ANK2: variants seen among roughly 807,000 people sequenced by gnomAD.
ANK2 encodes ankyrin-2.
Under a neutral mutation model 360.5 loss-of-function variants are expected in ANK2, and 83 were observed. The ratio of observed to expected loss-of-function variants is 0.23; its 90% CI spans 0.19 to 0.28. The LOEUF (loss-of-function observed/expected upper bound fraction) is 0.28. Among genes scored for constraint, ANK2 ranks in the 10% least tolerant of loss-of-function variants. ANK2 has a pLI of 1.00. For synonymous variants in ANK2, 1,740 were observed against 1,759.5 expected (o/e 0.99, Z 0.28); for missense variants, 4,201 against 4,795.7 (o/e 0.88, Z 3.66).
chr4:112,833,508 A>ATTTTTTTTTTT (rs34479387), intron 1 of ANK2, among the ~76,000 whole-genome samples: 1 of 146,874 alleles, frequency 6.8e-6, no homozygotes, highest in Non-Finnish European at 1.5e-5. Context: ...TGATTTATGT[A>ATTTTTTTTTTT]TTTTTTTTTT....
At chr4:113,253,687 T>G (rs1074951) in intron 10 of ANK2, among the ~76,000 whole-genome samples, 8,351 of 152,196 alleles carry the variant, frequency 0.055, 283 homozygotes, top group African/African-American at 0.085. Flanking sequence ...GTGTCACTAA[T>G]TCAGCAGCTT....
At chr4:113,112,514 C>T (rs1412722123) in intron 1 of ANK2, among the ~76,000 whole-genome samples, 6 of 152,136 alleles carry the variant, frequency 3.9e-5, no homozygotes, top group Non-Finnish European at 8.8e-5. Flanking sequence ...TTCCCTCTGC[C>T]CACTGCAGTG....
chr4:112,811,464 G>A, the ANK2 span, among the ~76,000 whole-genome samples: 1 of 152,094 alleles, frequency 6.6e-6, no homozygotes, highest in Non-Finnish European at 1.5e-5. Flanking sequence ...ACAATACTTA[G>A]TTGTGTTACT....
Position 113,127,053 on chromosome 4 carries a change from A to ATCAAGAAATTCAGAGAATGATGCTTCTTG in ANK2, c.85-47335_85-47334insGTCAAGAAATTCAGAGAATGATGCTTCTT, listed in dbSNP as rs567449215. On this transcript the variant is annotated intron_variant, in intron 1 of 45. Coordinates refer to ENST00000357077, the MANE Select transcript of ANK2 (RefSeq NM_001148.6). ...AAAAGTTTGTAAAACTTTATTTTTG[A>ATCAAGAAATTCAGAGAATGATGCTTCTTG]TCAAGAAATTCAGAGAATGATGCTT... 2.4e-3 allele frequency among the ~76,000 whole-genome samples: 359 copies of ATCAAGAAATTCAGAGAATGATGCTTCTTG among 152,254 alleles called. 1 individual carries two copies. The highest frequency in any genetic ancestry group is 8.4e-3 in the African/African-American group (347 of 41,556).
rs138641014 is a variant in ANK2, at chr4:113,311,298, T to C, written c.2592T>C (p.Pro864=). 2.7e-4 allele frequency: 428 copies of C among 1,614,130 alleles called. 3 individuals are homozygous for C. The highest frequency in any genetic ancestry group is 1.8e-3 in the South Asian group (166 of 91,082). ...MTGDGGEYLR[P]EDLKELGDDS... ...GTGATGGGGGAGAATACCTTAGGCC[T>C]GAGGACCTAAAAGAACTGGGTGATG... is the stretch of plus-strand genomic sequence containing the variant. The change falls in exon 24 of 46, where the codon CCT becomes CCC. Residue 864 remains proline, a synonymous_variant. Transcript: ENST00000357077.
intron 1 of ANK2, among the ~76,000 whole-genome samples, chr4:112,850,502 GTCTT>G (rs2064636827): frequency 6.1e-5 from 1 of 16,432 alleles, no homozygotes; most frequent in African/African-American, 2.8e-4. Flanking sequence ...TCCTGTGCTA[GTCTT>G]TTTTTTTTTT....
chr4:113,245,707 G>A (rs1394213715), intron 9 of ANK2, among the ~76,000 whole-genome samples: 1 of 152,188 alleles, frequency 6.6e-6, no homozygotes, highest in African/African-American at 2.4e-5. Flanking sequence ...ATGAGATTTA[G>A]GTGGTGACGC....
intron 4 of ANK2, among the ~76,000 whole-genome samples, chr4:113,206,806 T>A (rs2098955556): frequency 6.6e-6 from 1 of 152,162 alleles, no homozygotes; most frequent in Non-Finnish European, 1.5e-5. Context: ...GGTGGATCAC[T>A]TAAGGTCAGG....
intron 1 of ANK2, among the ~76,000 whole-genome samples, chr4:112,890,148 T>C (rs951477072): frequency 7.9e-5 from 12 of 152,214 alleles, no homozygotes; most frequent in African/African-American, 2.9e-4. Flanking sequence ...CACCTCTTTT[T>C]CTTCCTTTAA....
chr4:113,204,065 C>T (rs1379120275), intron 4 of ANK2, among the ~76,000 whole-genome samples: 2 of 151,958 alleles, frequency 1.3e-5, no homozygotes, highest in Non-Finnish European at 2.9e-5. Flanking sequence ...GAATTTCCCC[C>T]TTATTATTTT....
chr4:113,132,706 T>C (rs917198825), intron 1 of ANK2, among the ~76,000 whole-genome samples: 1 of 152,068 alleles, frequency 6.6e-6, no homozygotes, highest in African/African-American at 2.4e-5. Context: ...CCAGGCATGA[T>C]ATCACATAGT....
intron 2 of ANK2, among the ~76,000 whole-genome samples, chr4:112,958,578 A>G (rs2032610658): frequency 6.6e-6 from 1 of 151,898 alleles, no homozygotes; most frequent in Admixed American, 6.6e-5. Flanking sequence ...TCAGAGGGAG[A>G]CCTTGGAAAG....
At chr4:113,208,086 A>G (rs1472201896) in intron 4 of ANK2, among the ~76,000 whole-genome samples, 1 of 150,206 alleles carries the variant, frequency 6.7e-6, no homozygotes, top group Non-Finnish European at 1.5e-5. Flanking sequence ...TATGAGCCAT[A>G]TTAAGGTTTT....
chr4:112,810,155 ATATAT>A, the ANK2 span, among the ~76,000 whole-genome samples: 1 of 23,344 alleles, frequency 4.3e-5, no homozygotes, highest in East Asian at 2.1e-3. Flanking sequence ...ATATATATAT[ATATAT>A]TTTTTTTTTT....
At position 113,246,647 on chromosome 4, in the gene ANK2, G is replaced by A. The variant is rs562053819; in HGVS notation, c.892-3117G>A. 1.6e-4 allele frequency among the ~76,000 whole-genome samples: 25 copies of A among 152,146 alleles called. 1 individual carries two copies. The highest frequency in any genetic ancestry group is 6.0e-4 in the African/African-American group (25 of 41,530). ...CATATTTCAAAGCAAACAATAAAAA[G>A]TGTACAAAAACATTAAAGGATGATG... On this transcript the variant is annotated intron_variant, in intron 9 of 45. Transcript: ENST00000357077.
chr4:112,759,645 C>T, the ANK2 span, among the ~76,000 whole-genome samples: 1 of 152,112 alleles, frequency 6.6e-6, no homozygotes. Context: ...GCCATTTTCT[C>T]TTTTACCCTC....
intron 2 of ANK2, among the ~76,000 whole-genome samples, chr4:112,957,237 A>C (rs2095383858): frequency 1.3e-5 from 2 of 151,742 alleles, no homozygotes; most frequent in Non-Finnish European, 2.9e-5. Context: ...TGCTGCCTTC[A>C]AGCATCTGTT....
At chr4:113,119,157 C>T (rs748948334) in intron 1 of ANK2, among the ~76,000 whole-genome samples, 8 of 152,116 alleles carry the variant, frequency 5.3e-5, no homozygotes, top group Non-Finnish European at 1.2e-4. Context: ...ATGACAGGAT[C>T]ATCTGGTCTT....
chr4:112,832,601 C>T (rs911364197), intron 1 of ANK2, among the ~76,000 whole-genome samples: 1 of 152,126 alleles, frequency 6.6e-6, no homozygotes, highest in Non-Finnish European at 1.5e-5. Flanking sequence ...TTGTAAATGC[C>T]TCATCCTGAT....
Sources: gnomAD v4.1 joint callset for allele counts (sites outside exome capture counted in the v4.1 genomes callset) on GRCh38, gnomAD v4.1.1 for gene constraint, MANE v1.5 for transcripts, NCBI Gene and HGNC (gene_info 2026-07-23, HGNC 2026-07-21) for gene names.